HS3ST4: variants seen among roughly 807,000 people sequenced by gnomAD.
HS3ST4 encodes heparan sulfate-glucosamine 3-sulfotransferase 4, also known as heparan sulfate glucosamine 3-O-sulfotransferase 4.
In HS3ST4, 17 loss-of-function variants were observed where a neutral mutation model predicts 29.2. The observed-to-expected ratio is 0.58, with a 90% CI of 0.40 to 0.87. The LOEUF is 0.87. Ranked by LOEUF, HS3ST4 falls within the 40% of genes least tolerant of loss-of-function variation. The probability of loss-of-function intolerance (pLI) is 0.00; values close to 1 mark genes in which losing one functional copy is unlikely to be tolerated. For synonymous variants in HS3ST4, 314 were observed against 285.7 expected, an observed-to-expected ratio of 1.10 and a Z score of -1.00; for missense variants, 627 against 634.5, an observed-to-expected ratio of 0.99 and a Z score of 0.13.
At chr16:25,762,165 C>T (rs1966792401) in intron 1 of HS3ST4, among the ~76,000 whole-genome samples, 1 of 152,096 alleles carries the variant, frequency 6.6e-6, no homozygotes, top group Non-Finnish European at 1.5e-5. Flanking sequence ...ACTGACTGTG[C>T]TGGCACCCTG....
At chr16:26,078,600 A>G (rs1458225156) in intron 1 of HS3ST4, among the ~76,000 whole-genome samples, 1 of 152,216 alleles carries the variant, frequency 6.6e-6, no homozygotes, top group Non-Finnish European at 1.5e-5. Flanking sequence ...ATTGGGCTTC[A>G]GAGGGCTTAA....
At chr16:26,113,650 G>C (rs919541517) in intron 1 of HS3ST4, among the ~76,000 whole-genome samples, 4 of 152,052 alleles carry the variant, frequency 2.6e-5, no homozygotes, top group Non-Finnish European at 5.9e-5. Flanking sequence ...CCATTTATCA[G>C]AGATGATGAG....
At chr16:26,074,295 T>G (rs1362310166) in intron 1 of HS3ST4, among the ~76,000 whole-genome samples, 1 of 152,162 alleles carries the variant, frequency 6.6e-6, no homozygotes, top group Admixed American at 6.5e-5. Context: ...CACAAACAAT[T>G]TTTTTTTCTG....
chr16:25,949,656 G>A (rs985895010), intron 1 of HS3ST4, among the ~76,000 whole-genome samples: 4 of 152,140 alleles, frequency 2.6e-5, no homozygotes, highest in Admixed American at 1.3e-4. Flanking sequence ...AAGGTGAGGG[G>A]TCAGTGAATG....
chr16:25,731,325 A>G (rs1466874928), intron 1 of HS3ST4, among the ~76,000 whole-genome samples: 1 of 152,168 alleles, frequency 6.6e-6, no homozygotes, highest in Non-Finnish European at 1.5e-5. Flanking sequence ...TTTCAGGTAT[A>G]CAAAGATACT....
chr16:25,704,566 C>G (rs911760296), intron 1 of HS3ST4, among the ~76,000 whole-genome samples: 1 of 152,084 alleles, frequency 6.6e-6, no homozygotes, highest in African/African-American at 2.4e-5. Context: ...CTCAAGTGAT[C>G]TCCTGCCTCT....
chr16:25,702,120 A>G (rs1205576321), intron 1 of HS3ST4, among the ~76,000 whole-genome samples: 1 of 152,216 alleles, frequency 6.6e-6, no homozygotes, highest in Non-Finnish European at 1.5e-5. Context: ...ACCATTGTTC[A>G]GGACTTATTA....
chr16:25,846,111 G>A (rs1006537293), intron 1 of HS3ST4, among the ~76,000 whole-genome samples: 7 of 152,158 alleles, frequency 4.6e-5, no homozygotes, highest in Non-Finnish European at 1.0e-4. Flanking sequence ...TCAGCAGTGC[G>A]GTCTCTTTCT....
chr16:25,800,797 T>G (rs1325533469), intron 1 of HS3ST4, among the ~76,000 whole-genome samples: 1 of 152,170 alleles, frequency 6.6e-6, no homozygotes, highest in Non-Finnish European at 1.5e-5. Context: ...AGTGACCTTA[T>G]AGGAGGGGTG....
chr16:26,113,870 G>A (rs1377213555), intron 1 of HS3ST4, among the ~76,000 whole-genome samples: 3 of 152,030 alleles, frequency 2.0e-5, no homozygotes, highest in Non-Finnish European at 1.5e-5. Context: ...TTTTAGTTTG[G>A]GTTTGGGTCA....
At chr16:25,989,180 G>A (rs773742693) in intron 1 of HS3ST4, among the ~76,000 whole-genome samples, 6 of 152,198 alleles carry the variant, frequency 3.9e-5, no homozygotes, top group Admixed American at 2.6e-4. Flanking sequence ...CCAAAACTCC[G>A]TGATTGGTGT....
chr16:25,719,329 G>T (rs1316306611), intron 1 of HS3ST4, among the ~76,000 whole-genome samples: 1 of 152,196 alleles, frequency 6.6e-6, no homozygotes. Flanking sequence ...AAATAATAAG[G>T]CACTTTTATC....
intron 1 of HS3ST4, among the ~76,000 whole-genome samples, chr16:25,720,235 G>A (rs1482593004): frequency 1.3e-5 from 2 of 152,142 alleles, no homozygotes; most frequent in Non-Finnish European, 2.9e-5. Context: ...GGCTGTGATT[G>A]GCATGTTTGA....
chr16:26,136,272 A>G lies in HS3ST4; in HGVS notation c.*24A>G. 1 of 1,594,362 alleles carries G rather than the reference A, an allele frequency of 6.3e-7. No homozygotes were observed. Among genetic ancestry groups the G allele is most frequent in the Non-Finnish European group, 8.5e-7 (1 of 1,172,578 alleles). ...GAGGCTAGAGAGGCAGAGGAAGGCT[A>G]GTCAATAAGCTAAGGAGGCTCCTTG... On this transcript the variant is annotated 3_prime_UTR_variant, in exon 2 of 2. Transcript: ENST00000331351.
At chr16:26,009,024 C>T (rs560436432) in intron 1 of HS3ST4, among the ~76,000 whole-genome samples, 3 of 152,312 alleles carry the variant, frequency 2.0e-5, no homozygotes, top group South Asian at 4.1e-4. Context: ...CAGAGCGACA[C>T]AGGCCTTCAT....
intron 1 of HS3ST4, among the ~76,000 whole-genome samples, chr16:25,781,559 C>A (rs1028975014): frequency 6.6e-6 from 1 of 152,168 alleles, no homozygotes; most frequent in Non-Finnish European, 1.5e-5. Flanking sequence ...AGCTTCTGCA[C>A]AAACTAATTT....
chr16:25,928,145 A>G (rs7206668), intron 1 of HS3ST4, among the ~76,000 whole-genome samples: 48,713 of 149,792 alleles, frequency 0.33, 9,563 homozygotes, highest in African/African-American at 0.54. Context: ...GCAATAAGCT[A>G]TGATCACGCC....
intron 1 of HS3ST4, among the ~76,000 whole-genome samples, chr16:25,828,301 C>CCTCTCTCTCTCTCTCTCTCT (rs1196055715): frequency 9.1e-4 from 30 of 32,894 alleles, no homozygotes; most frequent in Non-Finnish European, 1.3e-3. Flanking sequence ...TCTTTCTTTC[C>CCTCTCTCTCTCTCTCTCTCT]CTCTCTCTCT....
In HS3ST4 at chr16:25,895,924, T is replaced by C. The variant is rs371531371; in HGVS notation, c.734+202773T>C. Among the ~76,000 whole-genome samples, 11 of 152,104 alleles carry C rather than the reference T, an allele frequency of 7.2e-5. No homozygotes were observed. In the East Asian group the frequency reaches 1.5e-3, roughly 21 times the overall value. On this transcript the variant is annotated intron_variant, in intron 1 of 1. Coordinates refer to ENST00000331351, the MANE Select transcript of HS3ST4 (RefSeq NM_006040.3). ...GACACAAATATTCAGTCTGTAACAGTGGACAAGGGGACAGAAGGCTGGGGA... is the reference window on the plus strand; with the variant it reads ...GACACAAATATTCAGTCTGTAACAGCGGACAAGGGGACAGAAGGCTGGGGA...
Sources: allele counts gnomAD v4.1 joint callset (sites outside exome capture counted in the v4.1 genomes callset), GRCh38; gene constraint gnomAD v4.1.1; transcripts MANE v1.5; gene names NCBI Gene and HGNC (gene_info 2026-07-23, HGNC 2026-07-21).